The following EPHB6 variants were observed in gnomAD, a reference collection of about 807,000 sequenced individuals.
EPHB6 encodes ephrin type-B receptor 6.
In EPHB6, 51 loss-of-function variants were observed where a neutral mutation model predicts 107.0. That is an observed-to-expected ratio of 0.48 (90% CI 0.38 to 0.60). The LOEUF is 0.60. EPHB6 is among the 20% of genes least tolerant of loss of function. The probability of loss-of-function intolerance (pLI) is 0.00; values close to 1 mark genes in which losing one functional copy is unlikely to be tolerated. For missense variants in EPHB6, 1,141 were observed against 1,355.5 expected (o/e 0.84, Z 2.48); for synonymous variants, 553 against 549.0 (o/e 1.01, Z -0.10).
intron 1 of EPHB6, among the ~76,000 whole-genome samples, chr7:142,857,378 G>A (rs1343178614): frequency 6.6e-6 from 1 of 152,250 alleles, no homozygotes; most frequent in African/African-American, 2.4e-5. Flanking sequence ...CTGATGATGG[G>A]ATCCTTCTCA....
chr7:142,863,939 TA>T (rs760270978), intron 6 of EPHB6, 26 bp from the exon 7 acceptor site: 1 of 1,614,166 alleles, frequency 6.2e-7, no homozygotes, highest in Non-Finnish European at 8.5e-7. Context: ...CCGGAGCCCC[TA>T]AAGCTTCTCC....
intron 1 of EPHB6, among the ~76,000 whole-genome samples, chr7:142,859,123 G>C (rs1802735579): frequency 1.5e-5 from 2 of 133,798 alleles, no homozygotes; most frequent in African/African-American, 5.2e-5. Context: ...TCTTGTGTTA[G>C]AGAATTTCTA....
chr7:142,867,163 T>A lies in EPHB6; in HGVS notation c.1750+95T>A. ...TGTCCGGCCTTGAACCCTGGCCCCG[T>A]GCTTCCCAACCAGAAGTTCTGTGGG... On this transcript the variant is annotated intron_variant, in intron 11 of 19. Transcript: ENST00000652003. The surrounding 1 kb of genome is among the most constrained non-coding windows in gnomAD (Gnocchi z 5.3). 6.8e-7 allele frequency: 1 copy of A among 1,471,580 alleles called. No individual in the cohort carries two copies. The highest frequency in any genetic ancestry group is 2.1e-5 in the Admixed American group (1 of 48,424). 91.2% of individuals were successfully genotyped at this position (1,471,580 alleles called of 1,614,324 possible).
rs370835347 is a variant in EPHB6, at chr7:142,864,230, G to C, written c.430G>C (p.Val144Leu). ...QAEEPDSPDS[V>L]SSWHLKRWTK... ...TGAGGAGCCCGACAGCCCTGACAGC[G>C]TTTCCTCCTGGCACCTCAAACGCTG... Residue 144 changes from valine (V) to leucine (L), a missense_variant, in exon 7 of 20, where the codon GTT (valine) becomes CTT (leucine). Around this residue, in one of 3 missense-constraint regions of EPHB6, gnomAD observed 221 missense variants for 300.5 expected, o/e 0.74. Coordinates refer to ENST00000652003, the MANE Select transcript of EPHB6 (RefSeq NM_004445.6). 1 of 1,613,784 alleles carries C rather than the reference G, an allele frequency of 6.2e-7. No homozygotes were observed. The highest frequency in any genetic ancestry group is 1.7e-5 in the Admixed American group (1 of 60,014).
At position 142,864,537 on chromosome 7, in the gene EPHB6, C is replaced by G. The variant is rs61732977; in HGVS notation, c.737C>G (p.Thr246Arg). 6.2e-6 allele frequency: 10 copies of G among 1,613,378 alleles called. No homozygotes were observed. The South Asian group carries it at 9.9e-5, about 16-fold the overall frequency. ...VLRSFASFPE[T>R]QASGAGGASL... The stretch of plus-strand genomic sequence containing the variant: ...CGATCCTTTGCTTCCTTTCCAGAGA[C>G]GCAGGCCAGTGGGGCTGGGGGGGCC... The change falls in exon 7 of 20, where the codon ACG becomes AGG. Residue 246 changes from threonine to arginine, a missense_variant. By Grantham distance (71) the Thr-to-Arg change is moderately conservative. This residue lies in a region of EPHB6 where 304 missense variants were observed against 295.7 expected (regional missense o/e 1.03). Transcript: ENST00000652003.
chr7:142,861,414 C>G (rs1029572217), intron 2 of EPHB6, among the ~76,000 whole-genome samples: 3 of 152,134 alleles, frequency 2.0e-5, no homozygotes, highest in Non-Finnish European at 4.4e-5. Flanking sequence ...TTTAAGAATG[C>G]AAAAATTTAA....
chr7:142,860,988 T>C (rs1802815094), intron 1 of EPHB6, 64 bp from the exon 2 acceptor site: 2 of 152,310 alleles, frequency 1.3e-5, no homozygotes, highest in South Asian at 2.1e-4. Flanking sequence ...TTTTTTTTTG[T>C]TTTCCTCTCA....
intron 2 of EPHB6, among the ~76,000 whole-genome samples, chr7:142,861,561 C>T (rs988083658): frequency 6.6e-6 from 1 of 152,162 alleles, no homozygotes; most frequent in East Asian, 1.9e-4. Flanking sequence ...GTGTATATAT[C>T]CTTCTTAACA....
At chr7:142,864,821 C>T in intron 7 of EPHB6, 72 bp downstream of exon 7, 1 of 1,568,802 alleles carries the variant, frequency 6.4e-7, no homozygotes, top group Non-Finnish European at 8.8e-7. Flanking sequence ...CCTCTCTGAA[C>T]ACCCCAAAAT....
rs753358072 is a variant in EPHB6, at chr7:142,868,510, G to A, written c.2057G>A (p.Arg686His). ...VIGTGSFGEV[R>H]QGRLQPRGRR... ...TTCCCAGGCTCTTTTGGAGAAGTGC[G>A]CCAGGGCCGCCTGCAGCCACGGGGA... is the stretch of plus-strand genomic sequence containing the variant. The change falls in exon 15 of 20, where the codon CGC becomes CAC. Residue 686 changes from arginine to histidine, a missense_variant. Arg to His is a conservative substitution (Grantham distance 29, BLOSUM62 0). Transcript: ENST00000652003. This position sits in a 1 kb window ranked among gnomAD's most constrained non-coding sequence, Gnocchi z 4.2. 44 of 1,613,642 alleles carry A rather than the reference G, an allele frequency of 2.7e-5. No individual in the cohort carries two copies. The highest frequency in any genetic ancestry group is 2.0e-4 in the East Asian group (9 of 44,882).
Position 142,868,352 on chromosome 7 carries a change from T to G in EPHB6, c.2030T>G (p.Ile677Ser), listed in dbSNP as rs370605481. ...DPAYIKIEEV[I>S]GTGSFGEVRQ... ...GCTTATATCAAGATTGAGGAGGTCA[T>G]TGGGACAGGTACAGCAGGGCCAAAG... Residue 677 changes from isoleucine (I) to serine (S), a missense_variant, in exon 14 of 20, where the codon ATT (isoleucine) becomes AGT (serine). This residue lies in a region of EPHB6 where 616 missense variants were observed against 759.3 expected (regional missense o/e 0.81). Transcript: ENST00000652003. This position sits in a 1 kb window ranked among gnomAD's most constrained non-coding sequence, Gnocchi z 4.2. The G allele has an allele frequency of 1.2e-6, 2 of 1,613,960 alleles. No homozygotes were observed. The highest frequency in any genetic ancestry group is 2.7e-5 in the African/African-American group (2 of 74,882).
rs2116464365 is a variant in EPHB6 at position 142,868,093 on chromosome 7, G to A, written c.1918+44G>A. Reference sequence around the variant, plus strand: ...AATGGGTGGGGCTGGGGAACACATGGGTGGGGCACATGGCAGGCAAGGCTG... The same window carrying A: ...AATGGGTGGGGCTGGGGAACACATGAGTGGGGCACATGGCAGGCAAGGCTG... On this transcript the variant is annotated intron_variant, in intron 13 of 19. Coordinates refer to ENST00000652003, the MANE Select transcript of EPHB6 (RefSeq NM_004445.6). This position sits in a 1 kb window ranked among gnomAD's most constrained non-coding sequence, Gnocchi z 4.2. 6.2e-7 allele frequency: 1 copy of A among 1,613,410 alleles called. No homozygotes were observed. Among genetic ancestry groups the A allele is most frequent in the East Asian group, 2.2e-5 (1 of 44,858 alleles).
chr7:142,861,825 C>A (rs1488864007), intron 2 of EPHB6, among the ~76,000 whole-genome samples, 192 bp from the exon 3 acceptor site: 2 of 152,168 alleles, frequency 1.3e-5, no homozygotes, highest in African/African-American at 4.8e-5. Context: ...AATGTAGTTG[C>A]TGGAAAGATA....
intron 5 of EPHB6, 70 bp downstream of exon 5, chr7:142,863,397 G>T: frequency 6.7e-7 from 1 of 1,488,774 alleles, no homozygotes; most frequent in South Asian, 1.1e-5. Flanking sequence ...AAGTGGGAAA[G>T]ATTTAGAAAA....
chr7:142,856,678 G>GC (rs570789295), intron 1 of EPHB6, among the ~76,000 whole-genome samples: 258 of 152,068 alleles, frequency 1.7e-3, no homozygotes, highest in African/African-American at 5.8e-3. Flanking sequence ...ACTCCTCCCC[G>GC]CCCCCCACTT....
At position 142,859,688 on chromosome 7, in the gene EPHB6, G is replaced by A. The variant is rs923861269; in HGVS notation, c.-431-1364G>A. Among the ~76,000 whole-genome samples, 4 of 152,140 alleles carry A rather than the reference G, an allele frequency of 2.6e-5. No individual in the cohort carries two copies. In the South Asian group the frequency reaches 6.2e-4, roughly 24 times the overall value. On this transcript the variant is annotated intron_variant, in intron 1 of 19. Transcript: ENST00000652003. The stretch of plus-strand genomic sequence containing the variant: ...TCATCTGGATCTGAATCTAAAAGAG[G>A]TCCTCATCAAACATTAGAAGTATCC...
At position 142,870,310 on chromosome 7, in the gene EPHB6, C is replaced by T. The variant is rs201476615; in HGVS notation, c.2707C>T (p.Arg903Cys). 9.9e-6 allele frequency: 16 copies of T among 1,614,088 alleles called. No individual in the cohort carries two copies. Among genetic ancestry groups the T allele is most frequent in the African/African-American group, 2.7e-5 (2 of 74,938 alleles). ...LLMLDTWQKD[R>C]ARRPHFDQLV... ...TATGTTGGACACTTGGCAGAAGGAC[C>T]GTGCCCGGCGGCCTCATTTTGACCA... The change falls in exon 18 of 20, where the codon CGT becomes TGT. Residue 903 changes from arginine (R) to cysteine (C), a missense_variant. Arg to Cys is a radical substitution (Grantham distance 180). This residue lies in a region of EPHB6 where 616 missense variants were observed against 759.3 expected (regional missense o/e 0.81). Transcript: ENST00000652003.
At position 142,867,790 on chromosome 7, in the gene EPHB6, C is replaced by T. The variant is rs1408537420; in HGVS notation, c.1865+68C>T. 2.0e-6 allele frequency: 3 copies of T among 1,495,748 alleles called. No homozygotes were observed. Among genetic ancestry groups the T allele is most frequent in the Non-Finnish European group, 1.8e-6 (2 of 1,098,582 alleles). 92.7% of individuals were successfully genotyped at this position (1,495,748 alleles called of 1,614,324 possible). Reference sequence around the variant, plus strand: ...TCCACAGCCAAACCTCAAGTCCTGCCAAGTCTGGAGCCCCCTGCAGAAACC... The same window carrying T: ...TCCACAGCCAAACCTCAAGTCCTGCTAAGTCTGGAGCCCCCTGCAGAAACC... On this transcript the variant is annotated intron_variant, in intron 12 of 19. Transcript: ENST00000652003. The surrounding 1 kb of genome is among the most constrained non-coding windows in gnomAD (Gnocchi z 5.3).
At chr7:142,864,899 T>C (rs1263375030) in intron 7 of EPHB6, 150 bp downstream of exon 7, 7 of 1,025,820 alleles carry the variant, frequency 6.8e-6, no homozygotes, top group Non-Finnish European at 1.0e-5. Flanking sequence ...CCTAATTTTA[T>C]TTCTTAAAGC....
Sources: allele counts gnomAD v4.1 joint callset (sites outside exome capture counted in the v4.1 genomes callset), GRCh38; gene constraint gnomAD v4.1.1; regional missense constraint gnomAD v4.1.1; non-coding constraint Gnocchi (gnomAD v3.1); transcripts MANE v1.5; gene names NCBI Gene and HGNC (gene_info 2026-07-23, HGNC 2026-07-21).